The following GRIK4 variants were observed in gnomAD, a reference collection of about 807,000 sequenced individuals.
GRIK4 encodes the protein glutamate ionotropic receptor kainate type subunit 4.
GRIK4 carries 40 observed loss-of-function variants against 104.9 expected under a neutral mutation model. The observed-to-expected ratio is 0.38, with a 90% CI of 0.30 to 0.50. The LOEUF (loss-of-function observed/expected upper bound fraction) is 0.50, where lower values mean the gene tolerates loss of function less well. GRIK4 is among the 20% of genes least tolerant of loss of function. The probability of loss-of-function intolerance (pLI) is 0.93; values close to 1 mark genes in which losing one functional copy is unlikely to be tolerated. For missense variants in GRIK4, 1,047 were observed against 1,308.1 expected, an observed-to-expected ratio of 0.80 and a Z score of 3.08; for synonymous variants, 485 against 524.9, an observed-to-expected ratio of 0.92 and a Z score of 1.04.
At chr11:120,981,574 G>C (rs935387215) in intron 19 of GRIK4, among the ~76,000 whole-genome samples, 1 of 152,198 alleles carries the variant, frequency 6.6e-6, no homozygotes, top group Non-Finnish European at 1.5e-5. Flanking sequence ...TGAACCACTC[G>C]TTTGGTGGGA....
chr11:120,750,353 T>TC (rs1159260201), intron 3 of GRIK4, among the ~76,000 whole-genome samples: 51 of 63,556 alleles, frequency 8.0e-4, no homozygotes, highest in Non-Finnish European at 1.5e-4. Flanking sequence ...GAAATCTCTT[T>TC]TTTTTTTTTT....
At position 120,986,031 on chromosome 11, in the gene GRIK4, C is replaced by T. The variant is rs1376929885; in HGVS notation, c.2642C>T (p.Pro881Leu). The T allele has an allele frequency of 1.3e-6, 2 of 1,524,136 alleles. No individual in the cohort carries two copies. The highest frequency in any genetic ancestry group is 2.1e-5 in the Admixed American group (1 of 47,506). The allele number at this position is 1,524,136 out of a possible 1,614,324, so 94.4% of individuals were successfully genotyped here. A position where few individuals can be genotyped will look rare whatever the true frequency, so the allele number is the denominator to read the frequency against. The change falls in exon 21 of 21, where the codon CCG (proline) becomes CTG (leucine). Residue 881 changes from proline (P) to leucine (L), a missense_variant. This residue lies in a region of GRIK4 where 160 missense variants were observed against 140.9 expected (regional missense o/e 1.14). Transcript: ENST00000527524. Reference sequence around the variant, plus strand: ...CCCCCCATCCCCGAGGAGCGCCGACCGCGGGGCACGGCGACGCTCAGCAAC... The same window carrying T: ...CCCCCCATCCCCGAGGAGCGCCGACTGCGGGGCACGGCGACGCTCAGCAAC... ...PRPPIPEERR[P>L]RGTATLSNGK...
intron 3 of GRIK4, among the ~76,000 whole-genome samples, chr11:120,790,348 C>T (rs892970218): frequency 6.6e-6 from 1 of 152,124 alleles, no homozygotes; most frequent in African/African-American, 2.4e-5. Context: ...ATGAATGGTG[C>T]ACACAATAAG....
intron 4 of GRIK4, among the ~76,000 whole-genome samples, chr11:120,804,103 G>A (rs994325310): frequency 6.6e-6 from 1 of 152,184 alleles, no homozygotes; most frequent in Non-Finnish European, 1.5e-5. Context: ...GGCTAAGCTG[G>A]AAATGGATCA....
At chr11:120,519,769 T>C (rs1947773335) in intron 1 of GRIK4, among the ~76,000 whole-genome samples, 2 of 152,016 alleles carry the variant, frequency 1.3e-5, no homozygotes, top group Non-Finnish European at 2.9e-5. Flanking sequence ...ATCCTTTGTG[T>C]GCATGCATGC....
intron 1 of GRIK4, among the ~76,000 whole-genome samples, chr11:120,617,317 A>G (rs1949129389): frequency 6.6e-6 from 1 of 152,192 alleles, no homozygotes; most frequent in Non-Finnish European, 1.5e-5. Flanking sequence ...CAGCTGACTA[A>G]GAAGATTAAT....
chr11:120,798,531 C>T (rs766771048), intron 3 of GRIK4, among the ~76,000 whole-genome samples: 43 of 152,080 alleles, frequency 2.8e-4, no homozygotes, highest in Admixed American at 2.6e-3. Context: ...GGCTGGAATG[C>T]GGTGGCATGA....
chr11:120,867,605 C>T (rs564505102), intron 9 of GRIK4, among the ~76,000 whole-genome samples: 6 of 152,134 alleles, frequency 3.9e-5, no homozygotes, highest in East Asian at 3.9e-4. Flanking sequence ...CCTTCCGGGT[C>T]GGGCCTTCGG....
intron 14 of GRIK4, among the ~76,000 whole-genome samples, chr11:120,947,942 T>C (rs1943902728): frequency 6.6e-6 from 1 of 152,182 alleles, no homozygotes; most frequent in Admixed American, 6.5e-5. Context: ...TACACTAGCA[T>C]ATGAGTTCTA....
intron 1 of GRIK4, among the ~76,000 whole-genome samples, chr11:120,528,056 C>T (rs118089075): frequency 0.042 from 6,470 of 152,326 alleles, 209 homozygotes; most frequent in East Asian, 0.063. Context: ...CTCGATCTCC[C>T]GGGCTCAGCC....
rs1164272701 is a variant in GRIK4, at chr11:120,555,116, A to G, written c.-159+43229A>G. Among the ~76,000 whole-genome samples the G allele has an allele frequency of 2.6e-5, 4 of 152,212 alleles. No individual in the cohort carries two copies. In the East Asian group the frequency reaches 7.7e-4, roughly 29 times the overall value. On this transcript the variant is annotated intron_variant, in intron 1 of 20. Coordinates refer to ENST00000527524, the MANE Select transcript of GRIK4 (RefSeq NM_014619.5). This position sits in a 1 kb window ranked among gnomAD's most constrained non-coding sequence, Gnocchi z 5.3. ...CCCGAGACCACAGGCTGCTGCCCAG[A>G]TGTCCTCCAGGCCCTGCACGCGCAG...
chr11:120,623,655 C>A (rs112166317), intron 1 of GRIK4, among the ~76,000 whole-genome samples: 1 of 152,254 alleles, frequency 6.6e-6, no homozygotes, highest in Non-Finnish European at 1.5e-5. Flanking sequence ...CACGGACCTA[C>A]TTATGGGTTG....
intron 19 of GRIK4, among the ~76,000 whole-genome samples, chr11:120,972,383 A>G (rs984174426): frequency 1.3e-5 from 2 of 152,246 alleles, no homozygotes; most frequent in Non-Finnish European, 2.9e-5. Flanking sequence ...TTAAGTTCCA[A>G]AATAAGTTCT....
chr11:120,888,186 T>C (rs1955174600), intron 11 of GRIK4, among the ~76,000 whole-genome samples: 1 of 152,136 alleles, frequency 6.6e-6, no homozygotes, highest in Admixed American at 6.5e-5. Flanking sequence ...GGATAAAGGA[T>C]AAGGATTCGA....
chr11:120,969,826 T>C (rs1944445292), intron 19 of GRIK4, among the ~76,000 whole-genome samples: 1 of 152,098 alleles, frequency 6.6e-6, no homozygotes, highest in African/African-American at 2.4e-5. Flanking sequence ...CTTCCTCTGA[T>C]TGATAAGTGA....
intron 3 of GRIK4, among the ~76,000 whole-genome samples, chr11:120,785,155 C>T (rs1245268672): frequency 1.3e-5 from 2 of 152,172 alleles, no homozygotes; most frequent in Non-Finnish European, 2.9e-5. Context: ...AAATGGGCAA[C>T]TCCAGCCCAC....
At chr11:120,735,690 T>TA (rs113346918) in intron 3 of GRIK4, among the ~76,000 whole-genome samples, 89,983 of 150,056 alleles carry the variant, frequency 0.6, 27,028 homozygotes, top group Middle Eastern at 0.76. Flanking sequence ...GGGATTGGAG[T>TA]GAAAAAAAAA....
chr11:120,528,165 C>T (rs1003794241), intron 1 of GRIK4, among the ~76,000 whole-genome samples: 7 of 152,224 alleles, frequency 4.6e-5, no homozygotes, highest in South Asian at 2.1e-4. Flanking sequence ...TTTGTGCAGA[C>T]GTGGTTTCAC....
At chr11:120,833,052 G>A (rs1161048378) in intron 7 of GRIK4, among the ~76,000 whole-genome samples, 2 of 152,090 alleles carry the variant, frequency 1.3e-5, no homozygotes, top group Non-Finnish European at 2.9e-5. Context: ...TGAGGAGCCC[G>A]CAGACACTCA....
Sources: allele counts gnomAD v4.1 joint callset (sites outside exome capture counted in the v4.1 genomes callset), GRCh38; gene constraint gnomAD v4.1.1; regional missense constraint gnomAD v4.1.1; non-coding constraint Gnocchi (gnomAD v3.1); transcripts MANE v1.5; gene names NCBI Gene and HGNC (gene_info 2026-07-23, HGNC 2026-07-21).